The following STIP1 variants were observed in gnomAD, a reference collection of about 807,000 sequenced individuals.
STIP1 encodes the protein stress-induced-phosphoprotein 1.
Under a neutral mutation model 77.4 loss-of-function variants are expected in STIP1, and 16 were observed. The observed-to-expected ratio is 0.21, with a 90% CI of 0.14 to 0.31. The LOEUF is 0.31. STIP1 is among the 10% of genes least tolerant of loss of function. The probability of loss-of-function intolerance (pLI) is 1.00; values close to 1 mark genes in which losing one functional copy is unlikely to be tolerated. For synonymous variants in STIP1, 258 were observed against 246.6 expected (o/e 1.05, Z -0.44); for missense variants, 524 against 684.8 (o/e 0.77, Z 2.62).
intron 4 of STIP1, 46 bp from the exon 5 acceptor site, chr11:64,195,599 G>T (rs1222108461): frequency 6.7e-7 from 1 of 1,502,402 alleles, no homozygotes; most frequent in Non-Finnish European, 8.9e-7. Context: ...CTAATTGTGG[G>T]GAGGAGTAAT....
chr11:64,197,837 C>T lies in STIP1; in HGVS notation c.903-17C>T, dbSNP rs539045360. On this transcript the variant is annotated splice_polypyrimidine_tract_variant and intron_variant, in intron 7 of 13. Transcript: ENST00000305218. ...TCTCTCTGTCCTAAGCAGTCCTTGT[C>T]CCTCTTTCTTTATCAGAGCATATGC... 11 of 1,610,368 alleles carry T rather than the reference C, an allele frequency of 6.8e-6. No individual in the cohort carries two copies. The highest frequency in any genetic ancestry group is 9.3e-6 in the Non-Finnish European group (11 of 1,179,222).
At chr11:64,187,866 G>T (rs532826140) in intron 1 of STIP1, among the ~76,000 whole-genome samples, 2 of 151,830 alleles carry the variant, frequency 1.3e-5, no homozygotes, top group Non-Finnish European at 2.9e-5. Context: ...TTAGCCGGGC[G>T]TGGTGGCGGG....
chr11:64,185,389 C>G (rs778349733), upstream of STIP1: 1 of 199,506 alleles, frequency 5.0e-6, no homozygotes, highest in Non-Finnish European at 1.0e-5. Flanking sequence ...CCCGGCCTGT[C>G]CAGCCCAAGC....
chr11:64,203,358 C>T (rs1946242773), intron 12 of STIP1, 92 bp from the exon 13 acceptor site: 2 of 1,587,698 alleles, frequency 1.3e-6, no homozygotes, highest in East Asian at 2.2e-5. Flanking sequence ...GTTCTCTCTC[C>T]CCTTGTCAGT....
chr11:64,186,847 G>A (rs1050835547), intron 1 of STIP1, among the ~76,000 whole-genome samples: 1 of 152,220 alleles, frequency 6.6e-6, no homozygotes, highest in Non-Finnish European at 1.5e-5. Context: ...GTCAGGGTGG[G>A]AGAGCGTTGA....
chr11:64,200,590 CGT>C (rs35484605), intron 10 of STIP1, among the ~76,000 whole-genome samples: 34,697 of 140,824 alleles, frequency 0.25, 4,735 homozygotes, highest in African/African-American at 0.39. Context: ...TCTAACTGGT[CGT>C]GTGTGTGTGT....
At chr11:64,188,738 A>C (rs1302158035) in intron 1 of STIP1, among the ~76,000 whole-genome samples, 1 of 152,216 alleles carries the variant, frequency 6.6e-6, no homozygotes, top group Non-Finnish European at 1.5e-5. Flanking sequence ...ATGTACAGGT[A>C]GGTAGATGGT....
chr11:64,190,971 T>C (rs940106156), intron 1 of STIP1, among the ~76,000 whole-genome samples: 8 of 151,682 alleles, frequency 5.3e-5, no homozygotes, highest in Admixed American at 2.0e-4. Flanking sequence ...GCAGATCACC[T>C]GAGGCCAGGA....
upstream of STIP1, chr11:64,185,779 C>T: frequency 6.5e-7 from 1 of 1,532,010 alleles, no homozygotes; most frequent in East Asian, 2.5e-5. Flanking sequence ...GAGTTGGCAA[C>T]CCTCCGCCCA....
In STIP1 at chr11:64,193,264, G is replaced by C. The variant is rs749026924; in HGVS notation, c.196G>C (p.Asp66His). ...TTATGAGGATGGCTGCAAGACTGTCGACCTAAAGCCTGACTGGGGCAAGGT... is the reference window on the plus strand; with the variant it reads ...TTATGAGGATGGCTGCAAGACTGTCCACCTAAAGCCTGACTGGGGCAAGGT... The part of the protein sequence containing the change: ...KAYEDGCKTV[D>H]LKPDWGKGYS... The change falls in exon 2 of 14, where the codon GAC (aspartate) becomes CAC (histidine). Residue 66 changes from aspartate to histidine, a missense_variant. Asp to His is a moderately conservative substitution (Grantham distance 81, BLOSUM62 -1). Coordinates refer to ENST00000305218, the MANE Select transcript of STIP1 (RefSeq NM_006819.3). 6.2e-7 allele frequency: 1 copy of C among 1,614,192 alleles called. No homozygotes were observed. The highest frequency in any genetic ancestry group is 1.1e-5 in the South Asian group (1 of 91,074).
At chr11:64,199,904 C>A (rs751635050) in intron 8 of STIP1, 36 bp from the exon 9 acceptor site, 2 of 1,610,532 alleles carry the variant, frequency 1.2e-6, no homozygotes. Context: ...TGATTATGAG[C>A]GTTTAAATTA....
At chr11:64,185,675 T>C (rs1484957880), upstream of STIP1, 4 of 1,129,016 alleles carry the variant, frequency 3.5e-6, no homozygotes, top group East Asian at 5.2e-5. Flanking sequence ...GCGACACAGC[T>C]ACAGACCCCG....
intron 1 of STIP1, chr11:64,186,648 C>T (rs1946022403): frequency 6.0e-6 from 1 of 166,288 alleles, no homozygotes; most frequent in African/African-American, 2.4e-5. Flanking sequence ...GGCCGGGGGC[C>T]GGGGTCCGCA....
Position 64,204,248 on chromosome 11 carries a change from A to G in STIP1, c.*122A>G. On this transcript the variant is annotated 3_prime_UTR_variant, in exon 14 of 14. Transcript: ENST00000305218. ...AGGCCTCATCTCTCTATATTTATAC[A>G]TAACCCCGGGGAAGACACAGAGACT... The G allele has an allele frequency of 2.0e-6, 2 of 987,542 alleles. No homozygotes were observed. Among genetic ancestry groups the G allele is most frequent in the Non-Finnish European group, 3.0e-6 (2 of 663,958 alleles). The allele number at this position is 987,542 out of a possible 1,614,324, so 61.2% of individuals were successfully genotyped here. A position where few individuals can be genotyped will look rare whatever the true frequency, so the allele number is the denominator to read the frequency against.
chr11:64,203,720 A>G, intron 13 of STIP1, 98 bp downstream of exon 13: 2 of 1,481,416 alleles, frequency 1.4e-6, no homozygotes, highest in Non-Finnish European at 9.2e-7. Flanking sequence ...GTCTGCGAGG[A>G]AGAGGAATTC....
rs1224170732 is a variant in STIP1 at position 64,200,044 on chromosome 11, C to T, written c.1120+8C>T. ...ACGAGTGTTTTCAGAAAGGTACTGC[C>T]TGCAGCTGGGGGATTGGGGGAGCAG... On this transcript the variant is annotated splice_region_variant and intron_variant, in intron 9 of 13. Transcript: ENST00000305218. The T allele has an allele frequency of 2.5e-6, 4 of 1,614,186 alleles. No homozygotes were observed. The highest frequency in any genetic ancestry group is 1.6e-4 in the Middle Eastern group (1 of 6,062).
chr11:64,204,224 G>A lies in STIP1; in HGVS notation c.*98G>A. 1 of 1,222,434 alleles carries A rather than the reference G, an allele frequency of 8.2e-7. No individual in the cohort carries two copies. 75.7% of individuals were successfully genotyped at this position (1,222,434 alleles called of 1,614,324 possible). A position where few individuals can be genotyped will look rare whatever the true frequency, so the allele number is the denominator to read the frequency against. ...GCGGAAGGGAGAGCAGGGGAGAGAAGGCCTCATCTCTCTATATTTATACAT... is the reference window on the plus strand; with the variant it reads ...GCGGAAGGGAGAGCAGGGGAGAGAAAGCCTCATCTCTCTATATTTATACAT... On this transcript the variant is annotated 3_prime_UTR_variant, in exon 14 of 14. Transcript: ENST00000305218.
intron 1 of STIP1, among the ~76,000 whole-genome samples, chr11:64,189,370 AT>A (rs1341885043): frequency 6.6e-6 from 1 of 151,958 alleles, no homozygotes; most frequent in Non-Finnish European, 1.5e-5. Flanking sequence ...AAAAAAAAAA[AT>A]AAATAAATAA....
In STIP1 at chr11:64,193,705, T is replaced by C. The variant is rs1189765146; in HGVS notation, c.219+418T>C. ...AGGAGACTAAGGCAGGAGGATCACC[T>C]GAGCCTGGCAAGCGGAGGTTGCAGT... On this transcript the variant is annotated intron_variant, in intron 2 of 13. Coordinates refer to ENST00000305218, the MANE Select transcript of STIP1 (RefSeq NM_006819.3). 3.3e-5 allele frequency among the ~76,000 whole-genome samples: 5 copies of C among 152,150 alleles called. No homozygotes were observed. In the East Asian group the frequency reaches 9.6e-4, roughly 29 times the overall value.
Sources: allele counts gnomAD v4.1 joint callset (sites outside exome capture counted in the v4.1 genomes callset), GRCh38; gene constraint gnomAD v4.1.1; transcripts MANE v1.5; gene names NCBI Gene and HGNC (gene_info 2026-07-23, HGNC 2026-07-21).